Variants in PCCA observed in about 807,000 individuals in gnomAD.
The protein encoded by PCCA is propionyl-CoA carboxylase alpha chain, mitochondrial.
Under a neutral mutation model 101.3 loss-of-function variants are expected in PCCA, and 74 were observed. The observed-to-expected ratio is 0.73, with a 90% CI of 0.61 to 0.89. The LOEUF (loss-of-function observed/expected upper bound fraction) is 0.89, where lower values mean the gene tolerates loss of function less well. PCCA is among the 40% of genes least tolerant of loss of function. PCCA has a pLI of 0.00. For missense variants in PCCA, 891 were observed against 907.0 expected, an observed-to-expected ratio of 0.98 and a Z score of 0.23; for synonymous variants, 294 against 313.6, an observed-to-expected ratio of 0.94 and a Z score of 0.66.
intron 18 of PCCA, among the ~76,000 whole-genome samples, chr13:100,366,366 C>G (rs567319170): frequency 6.6e-6 from 1 of 152,174 alleles, no homozygotes; most frequent in Non-Finnish European, 1.5e-5. Flanking sequence ...CCCTTCTACA[C>G]GTGCTTGGTG....
intron 12 of PCCA, among the ~76,000 whole-genome samples, chr13:100,291,344 C>T (rs1272282030): frequency 2.0e-5 from 3 of 152,174 alleles, no homozygotes; most frequent in Non-Finnish European, 2.9e-5. Context: ...TACTTTATAT[C>T]GGGGACCTGA....
intron 16 of PCCA, among the ~76,000 whole-genome samples, chr13:100,312,444 G>A (rs1451957299): frequency 6.6e-6 from 1 of 152,208 alleles, no homozygotes; most frequent in Non-Finnish European, 1.5e-5. Flanking sequence ...GTAATGTCCT[G>A]TGTAGGTGAA....
At chr13:100,368,739 T>A (rs574939499) in intron 19 of PCCA, among the ~76,000 whole-genome samples, 165 bp downstream of exon 19, 7 of 152,314 alleles carry the variant, frequency 4.6e-5, no homozygotes, top group African/African-American at 1.7e-4. Context: ...TTTGTTCTCT[T>A]ATGCTTATTA....
At chr13:100,436,491 T>C (rs1205350387) in intron 20 of PCCA, among the ~76,000 whole-genome samples, 1 of 152,094 alleles carries the variant, frequency 6.6e-6, no homozygotes, top group East Asian at 1.9e-4. Flanking sequence ...AGGTGGGTGG[T>C]TTGCAAAGGG....
intron 18 of PCCA, among the ~76,000 whole-genome samples, chr13:100,359,108 A>AAAG (rs1188170175): frequency 1.3e-5 from 2 of 151,186 alleles, no homozygotes; most frequent in African/African-American, 2.4e-5. Context: ...AAAAAAAAAA[A>AAAG]AAAGAAAAAG....
chr13:100,511,833 C>T (rs940659788), intron 21 of PCCA, among the ~76,000 whole-genome samples: 7 of 152,222 alleles, frequency 4.6e-5, no homozygotes, highest in African/African-American at 1.4e-4. Context: ...ACTGCTACTT[C>T]TACAGGCTGT....
At chr13:100,525,450 C>T (rs1594146829) in intron 22 of PCCA, among the ~76,000 whole-genome samples, 1 of 152,228 alleles carries the variant, frequency 6.6e-6, no homozygotes, top group African/African-American at 2.4e-5. Context: ...ACAGCAGAGC[C>T]CCTTAAGCTC....
chr13:100,403,669 C>T (rs563645173), intron 19 of PCCA, among the ~76,000 whole-genome samples: 1 of 152,214 alleles, frequency 6.6e-6, no homozygotes, highest in Non-Finnish European at 1.5e-5. Flanking sequence ...CATGAAAATT[C>T]AGGCCCACAG....
chr13:100,362,140 T>C (rs1017483701), intron 18 of PCCA, among the ~76,000 whole-genome samples: 2 of 152,112 alleles, frequency 1.3e-5, no homozygotes, highest in African/African-American at 4.8e-5. Context: ...AAGCCACAGT[T>C]TTTTTTGGAG....
intron 21 of PCCA, among the ~76,000 whole-genome samples, chr13:100,495,802 C>T (rs1232459791): frequency 1.3e-5 from 2 of 152,178 alleles, no homozygotes; most frequent in Non-Finnish European, 2.9e-5. Flanking sequence ...AAAAGGAAAA[C>T]TTATTTTGAT....
intron 21 of PCCA, among the ~76,000 whole-genome samples, chr13:100,506,717 G>T (rs1024462597): frequency 2.5e-4 from 38 of 152,098 alleles, no homozygotes; most frequent in Admixed American, 1.5e-3. Context: ...TTCCCCAAAG[G>T]TCATTCATTC....
rs1021388184 is a variant in PCCA at position 100,205,430 on chromosome 13, A to T, written c.469-3902A>T. ...GGAGCACTTCCAAAACACATTGATA[A>T]AAAGGAAGTTAAGTCTTTGAAACAT... On this transcript the variant is annotated intron_variant, in intron 6 of 23. Transcript: ENST00000376285. Among the ~76,000 whole-genome samples, 5 of 152,176 alleles carry T rather than the reference A, an allele frequency of 3.3e-5. No individual in the cohort carries two copies. The South Asian group carries it at 6.2e-4, about 19-fold the overall frequency.
At chr13:100,389,596 C>G (rs2076702959) in intron 19 of PCCA, among the ~76,000 whole-genome samples, 1 of 152,086 alleles carries the variant, frequency 6.6e-6, no homozygotes, top group Non-Finnish European at 1.5e-5. Context: ...TGTAACAAAC[C>G]TGCACATGTA....
chr13:100,103,852 T>A (rs2047508822), intron 2 of PCCA, among the ~76,000 whole-genome samples: 2 of 151,968 alleles, frequency 1.3e-5, no homozygotes, highest in South Asian at 4.2e-4. Flanking sequence ...GCCAGGCTGG[T>A]CTCAAACTCC....
chr13:100,281,172 T>C (rs1280012274), intron 12 of PCCA, among the ~76,000 whole-genome samples: 3 of 152,308 alleles, frequency 2.0e-5, no homozygotes, highest in Middle Eastern at 3.4e-3. Context: ...CATAAAGTGC[T>C]TCCTTTAAGT....
In PCCA at chr13:100,456,795, T is replaced by C. The variant is rs530015016; in HGVS notation, c.1899+7490T>C. 4.6e-5 allele frequency among the ~76,000 whole-genome samples: 7 copies of C among 152,234 alleles called. No individual in the cohort carries two copies. In the East Asian group the frequency reaches 7.7e-4, roughly 17 times the overall value. Reference sequence around the variant, plus strand: ...GGAACCAGGAGTTACGGGAGGAACATGAAAGTGGACAAGGAGCGTGACCGT... The same window carrying C: ...GGAACCAGGAGTTACGGGAGGAACACGAAAGTGGACAAGGAGCGTGACCGT... On this transcript the variant is annotated intron_variant, in intron 21 of 23. Coordinates refer to ENST00000376285, the MANE Select transcript of PCCA (RefSeq NM_000282.4).
intron 1 of PCCA, among the ~76,000 whole-genome samples, chr13:100,099,947 C>T (rs1203481366): frequency 6.6e-6 from 1 of 152,130 alleles, no homozygotes; most frequent in East Asian, 1.9e-4. Context: ...TAGACCAGAA[C>T]TCTTATTGAC....
chr13:100,467,713 A>G (rs9300605), intron 21 of PCCA, among the ~76,000 whole-genome samples: 18,924 of 152,080 alleles, frequency 0.12, 2,191 homozygotes, highest in African/African-American at 0.31. Context: ...CACATGTCCA[A>G]GCTCCACTCC....
At chr13:100,124,616 T>C (rs1332326332) in intron 4 of PCCA, among the ~76,000 whole-genome samples, 1 of 152,110 alleles carries the variant, frequency 6.6e-6, no homozygotes, top group Non-Finnish European at 1.5e-5. Context: ...CGAGGACGAA[T>C]AGGACTTGGT....
Sources: allele counts gnomAD v4.1 joint callset (sites outside exome capture counted in the v4.1 genomes callset), GRCh38; gene constraint gnomAD v4.1.1; transcripts MANE v1.5; gene names NCBI Gene and HGNC (gene_info 2026-07-23, HGNC 2026-07-21).